The following TAS2R1 variants were observed in gnomAD, a reference collection of about 807,000 sequenced individuals.
TAS2R1 encodes the protein taste 2 receptor member 1.
For synonymous variants in TAS2R1, 141 were observed against 134.2 expected (o/e 1.05, Z -0.35); for missense variants, 370 against 353.4 (o/e 1.05, Z -0.38).
chr5:9,844,109 C>T, the TAS2R1 span, among the ~76,000 whole-genome samples: 1 of 152,074 alleles, frequency 6.6e-6, no homozygotes, highest in Non-Finnish European at 1.5e-5. Flanking sequence ...GCGTATTCTA[C>T]TGGTGAGAAG....
the TAS2R1 span, among the ~76,000 whole-genome samples, chr5:9,786,420 T>G: frequency 6.6e-6 from 1 of 152,202 alleles, no homozygotes; most frequent in Admixed American, 6.5e-5. Flanking sequence ...ACAAAGTAAC[T>G]AAGTCCCATC....
the TAS2R1 span, among the ~76,000 whole-genome samples, chr5:9,792,925 G>A: frequency 6.6e-6 from 1 of 152,112 alleles, no homozygotes; most frequent in Non-Finnish European, 1.5e-5. Flanking sequence ...TCTCTTGAAA[G>A]TGAAGGGGAT....
In TAS2R1 at chr5:9,672,226, C is replaced by T. The variant is rs1740780785; in HGVS notation, c.-241-12645G>A. Among the ~76,000 whole-genome samples, 3 of 152,062 alleles carry T rather than the reference C, an allele frequency of 2.0e-5. No individual in the cohort carries two copies. In the South Asian group the frequency reaches 6.2e-4, roughly 32 times the overall value. On this transcript the variant is annotated intron_variant, in intron 1 of 2. Transcript: ENST00000506620. ...TAGGACATGCCATTCTGAACATAGG[C>T]CCTGACAAAGGTTTCATGATGAAGA...
At chr5:9,654,217 G>GA (rs1276083105) in intron 2 of TAS2R1, among the ~76,000 whole-genome samples, 1 of 152,048 alleles carries the variant, frequency 6.6e-6, no homozygotes, top group African/African-American at 2.4e-5. Flanking sequence ...AAGAATTTTT[G>GA]AAAAACTCTT....
chr5:9,693,416 C>T lies in TAS2R1; in HGVS notation c.-242+18756G>A, dbSNP rs186369185. Among the ~76,000 whole-genome samples the T allele has an allele frequency of 5.3e-4, 79 of 149,032 alleles. 1 individual carries two copies. Among genetic ancestry groups the T allele is most frequent in the African/African-American group, 1.8e-3 (74 of 40,278 alleles). On this transcript the variant is annotated intron_variant, in intron 1 of 2. Coordinates refer to the TAS2R1 transcript ENST00000506620. Reference sequence around the variant, plus strand: ...GCACATGCCTGTAATCCCAGCTACTCGGGAAGCTGAGGGAGGAGAATCGCT... The same window carrying T: ...GCACATGCCTGTAATCCCAGCTACTTGGGAAGCTGAGGGAGGAGAATCGCT...
intron 1 of TAS2R1, among the ~76,000 whole-genome samples, chr5:9,693,524 C>CAAAAAAAAAAAAAAAA (rs35262775): frequency 3.0e-5 from 1 of 33,024 alleles, no homozygotes; most frequent in Non-Finnish European, 6.1e-5. Context: ...AACTCCATCT[C>CAAAAAAAAAAAAAAAA]AAAAAAAAAA....
At chr5:9,883,500 T>C in the TAS2R1 span, 1 of 152,210 alleles carries the variant, frequency 6.6e-6, no homozygotes, top group East Asian at 1.9e-4. Context: ...ATGGATTTCG[T>C]ACACATCAAG....
chr5:9,777,782 C>T, the TAS2R1 span, among the ~76,000 whole-genome samples: 2 of 152,116 alleles, frequency 1.3e-5, no homozygotes, highest in African/African-American at 4.8e-5. Flanking sequence ...CCCTTTGATC[C>T]ATGGGCTGCA....
chr5:9,840,857 A>ATTTATTTTTTTTTTTTTTTTTTTTT, the TAS2R1 span, among the ~76,000 whole-genome samples: 6 of 132,102 alleles, frequency 4.5e-5, no homozygotes, highest in African/African-American at 1.4e-4. Flanking sequence ...TTATTTATTT[A>ATTTATTTTTTTTTTTTTTTTTTTTT]TTTTTTTTTT....
intron 1 of TAS2R1, among the ~76,000 whole-genome samples, chr5:9,693,547 A>AAAAAAAAAAAAAAAAAAG (rs1554054255): frequency 7.3e-6 from 1 of 136,748 alleles, no homozygotes; most frequent in Non-Finnish European, 1.5e-5. Flanking sequence ...AAAAAAAAAA[A>AAAAAAAAAAAAAAAAAAG]AGAGAGAGAA....
At chr5:9,667,426 T>A (rs1740656817) in intron 1 of TAS2R1, among the ~76,000 whole-genome samples, 1 of 152,186 alleles carries the variant, frequency 6.6e-6, no homozygotes, top group Non-Finnish European at 1.5e-5. Context: ...TCCACCTTAC[T>A]TCTTGTAGCC....
chr5:9,866,393 G>A, the TAS2R1 span, among the ~76,000 whole-genome samples: 5 of 151,816 alleles, frequency 3.3e-5, no homozygotes, highest in African/African-American at 4.8e-5. Flanking sequence ...CTTGTTTTTG[G>A]ACAAACCTTA....
At chr5:9,877,703 AAC>A in the TAS2R1 span, among the ~76,000 whole-genome samples, 1 of 152,224 alleles carries the variant, frequency 6.6e-6, no homozygotes, top group Non-Finnish European at 1.5e-5. Flanking sequence ...CTCTCATCTC[AAC>A]AGAGCCGAGA....
intron 2 of TAS2R1, among the ~76,000 whole-genome samples, chr5:9,640,894 C>T (rs1740069285): frequency 6.6e-6 from 1 of 152,174 alleles, no homozygotes; most frequent in Non-Finnish European, 1.5e-5. Flanking sequence ...GAAAGACAGT[C>T]ATTGTTTTCT....
chr5:9,850,415 C>T, the TAS2R1 span, among the ~76,000 whole-genome samples: 8 of 152,190 alleles, frequency 5.3e-5, no homozygotes, highest in Non-Finnish European at 7.4e-5. Flanking sequence ...AACTGGCTTG[C>T]TTTTGTGAGG....
chr5:9,823,468 G>A, the TAS2R1 span, among the ~76,000 whole-genome samples: 1 of 150,420 alleles, frequency 6.6e-6, no homozygotes, highest in East Asian at 2.0e-4. Context: ...AGGGAGGAAG[G>A]GAGGGAAAAG....
chr5:9,804,236 T>C, the TAS2R1 span, among the ~76,000 whole-genome samples: 6 of 152,192 alleles, frequency 3.9e-5, no homozygotes, highest in African/African-American at 1.4e-4. Context: ...CTCCCAAATT[T>C]ATAAAACAAT....
chr5:9,790,278 A>C, the TAS2R1 span, among the ~76,000 whole-genome samples: 4 of 152,236 alleles, frequency 2.6e-5, no homozygotes, highest in South Asian at 6.2e-4. Context: ...ATACCCTGCC[A>C]CTCTGTTTTC....
At chr5:9,759,353 C>A in the TAS2R1 span, among the ~76,000 whole-genome samples, 13 of 152,116 alleles carry the variant, frequency 8.5e-5, 1 homozygote, top group Admixed American at 8.5e-4. Context: ...TCAGGATGCA[C>A]ACTCTTTGAG....
Sources: gnomAD v4.1 joint callset for allele counts (sites outside exome capture counted in the v4.1 genomes callset) on GRCh38, gnomAD v4.1.1 for gene constraint, MANE v1.5 for transcripts, NCBI Gene and HGNC (gene_info 2026-07-23, HGNC 2026-07-21) for gene names.